UBE2R2: variants seen among roughly 807,000 people sequenced by gnomAD.
UBE2R2 encodes ubiquitin conjugating enzyme E2 R2.
Under a neutral mutation model 27.8 loss-of-function variants are expected in UBE2R2, and 1 was observed. The ratio of observed to expected loss-of-function variants is 0.04; its 90% CI spans 0.01 to 0.17. The LOEUF (loss-of-function observed/expected upper bound fraction) is 0.17, where lower values mean the gene tolerates loss of function less well. Ranked by LOEUF, UBE2R2 falls within the 10% of genes least tolerant of loss-of-function variation. The pLI is 1.00. For missense variants in UBE2R2, 100 were observed against 291.0 expected (o/e 0.34, Z 4.78); for synonymous variants, 106 against 113.3 (o/e 0.94, Z 0.41).
chr9:33,873,174 TAAAAAAAAA>T (rs540364601), intron 1 of UBE2R2, among the ~76,000 whole-genome samples: 5 of 109,182 alleles, frequency 4.6e-5, no homozygotes, highest in African/African-American at 1.7e-4. Flanking sequence ...GACTCCGTCT[TAAAAAAAAA>T]AAAAAAAAAA....
At chr9:33,910,819 A>C (rs1822466863) in intron 3 of UBE2R2, among the ~76,000 whole-genome samples, 1 of 152,136 alleles carries the variant, frequency 6.6e-6, no homozygotes, top group African/African-American at 2.4e-5. Context: ...CTGGTTATAT[A>C]GGGCCAGGTG....
chr9:33,832,761 CTTTAA>C (rs1820523538), intron 1 of UBE2R2, among the ~76,000 whole-genome samples: 1 of 151,138 alleles, frequency 6.6e-6, no homozygotes, highest in African/African-American at 2.4e-5. Flanking sequence ...AGAATCAAAA[CTTTAA>C]TTAAATTCTA....
At chr9:33,837,201 A>G (rs1820632750) in intron 1 of UBE2R2, among the ~76,000 whole-genome samples, 1 of 152,034 alleles carries the variant, frequency 6.6e-6, no homozygotes, top group Admixed American at 6.6e-5. Flanking sequence ...TCTAATTAAC[A>G]TATCTTTTTC....
intron 1 of UBE2R2, among the ~76,000 whole-genome samples, chr9:33,841,807 T>G (rs1273698074): frequency 6.6e-6 from 1 of 152,162 alleles, no homozygotes; most frequent in Non-Finnish European, 1.5e-5. Flanking sequence ...CTCGCTTGTT[T>G]TCTCGTATAT....
In UBE2R2 at chr9:33,899,935, A is replaced by G. The variant is rs370899836; in HGVS notation, c.265-239A>G. Among the ~76,000 whole-genome samples the G allele has an allele frequency of 2.6e-5, 4 of 152,228 alleles. No individual in the cohort carries two copies. In the East Asian group the frequency reaches 7.7e-4, roughly 29 times the overall value. On this transcript the variant is annotated intron_variant, in intron 2 of 4. Coordinates refer to ENST00000263228, the MANE Select transcript of UBE2R2 (RefSeq NM_017811.4). ...CATAGGGATCGTTTGTTTCATCAGGATTGTTCTATAGGAATAGTAAGTCTT... is the reference window on the plus strand; with the variant it reads ...CATAGGGATCGTTTGTTTCATCAGGGTTGTTCTATAGGAATAGTAAGTCTT...
intron 3 of UBE2R2, among the ~76,000 whole-genome samples, chr9:33,900,493 T>C (rs571799306): frequency 1.3e-5 from 2 of 152,304 alleles, no homozygotes; most frequent in African/African-American, 4.8e-5. Context: ...TATGTTCACT[T>C]AGGAATAGAT....
In UBE2R2 at chr9:33,918,007, T is replaced by C. The variant is rs1331313975; in HGVS notation, c.*770T>C. 1 of 153,740 alleles carries C rather than the reference T, an allele frequency of 6.5e-6. No homozygotes were observed. The highest frequency in any genetic ancestry group is 1.5e-5 in the Non-Finnish European group (1 of 68,048). The allele number at this position is 153,740 out of a possible 1,614,324, so 9.5% of individuals were successfully genotyped here. A position where few individuals can be genotyped will look rare whatever the true frequency, so the allele number is the denominator to read the frequency against. On this transcript the variant is annotated 3_prime_UTR_variant, in exon 5 of 5. Coordinates refer to ENST00000263228, the MANE Select transcript of UBE2R2 (RefSeq NM_017811.4). Reference sequence around the variant, plus strand: ...TCCATAGAACTGAGCACTTGGTTGCTATTTATTTTAAAGGCAGGGTTATTT... The same window carrying C: ...TCCATAGAACTGAGCACTTGGTTGCCATTTATTTTAAAGGCAGGGTTATTT...
intron 1 of UBE2R2, among the ~76,000 whole-genome samples, chr9:33,869,915 C>G (rs901681603): frequency 2.0e-5 from 3 of 152,048 alleles, no homozygotes; most frequent in Admixed American, 6.6e-5. Flanking sequence ...GGCGCGATCT[C>G]GGCTCACCGA....
At chr9:33,850,676 G>A (rs1290999895) in intron 1 of UBE2R2, among the ~76,000 whole-genome samples, 1 of 125,850 alleles carries the variant, frequency 7.9e-6, no homozygotes, top group Non-Finnish European at 1.7e-5. Flanking sequence ...TTTCAAACTT[G>A]TTTTGTTCCT....
intron 1 of UBE2R2, among the ~76,000 whole-genome samples, chr9:33,853,905 A>G (rs1319697754): frequency 2.7e-5 from 4 of 150,540 alleles, no homozygotes; most frequent in Non-Finnish European, 5.9e-5. Flanking sequence ...TGTGTTTCTC[A>G]GGCTGGTCTC....
Position 33,817,631 on chromosome 9 carries a change from T to C in UBE2R2, c.-127T>C. On this transcript the variant is annotated 5_prime_UTR_variant, in exon 1 of 5. Transcript: ENST00000263228. ...GTGGGGCCTGGTCTGGCCCGCCGGG[T>C]GTGTGAAGACCGGGGCCCGGTGCTG... 9.3e-7 allele frequency: 1 copy of C among 1,075,990 alleles called. No homozygotes were observed. Among genetic ancestry groups the C allele is most frequent in the East Asian group, 5.8e-5 (1 of 17,208 alleles). The allele number at this position is 1,075,990 out of a possible 1,614,324, so 66.7% of individuals were successfully genotyped here. A position where few individuals can be genotyped will look rare whatever the true frequency, so the allele number is the denominator to read the frequency against.
intron 2 of UBE2R2, among the ~76,000 whole-genome samples, chr9:33,892,085 T>G (rs1027889060): frequency 6.6e-6 from 1 of 152,222 alleles, no homozygotes; most frequent in Admixed American, 6.5e-5. Flanking sequence ...CTAAGGAAAT[T>G]TGATAGGAAT....
intron 1 of UBE2R2, among the ~76,000 whole-genome samples, chr9:33,834,879 C>T (rs1201249801): frequency 6.6e-6 from 1 of 150,674 alleles, no homozygotes; most frequent in Non-Finnish European, 1.5e-5. Flanking sequence ...CGTTGCACTC[C>T]AGCCTGGGCA....
At chr9:33,889,679 T>G (rs1418070378) in intron 2 of UBE2R2, among the ~76,000 whole-genome samples, 1 of 152,208 alleles carries the variant, frequency 6.6e-6, no homozygotes, top group Non-Finnish European at 1.5e-5. Context: ...TGTCTTGCAA[T>G]TGAGAGCTAA....
chr9:33,906,208 C>T (rs568626879), intron 3 of UBE2R2, among the ~76,000 whole-genome samples: 6 of 152,160 alleles, frequency 3.9e-5, no homozygotes, highest in Middle Eastern at 6.8e-3. Flanking sequence ...CTGCAAACTC[C>T]GTCTCCTGGG....
intron 1 of UBE2R2, among the ~76,000 whole-genome samples, chr9:33,845,544 A>G (rs563212208): frequency 6.6e-6 from 1 of 151,660 alleles, no homozygotes; most frequent in East Asian, 2.0e-4. Context: ...CACCGCACCC[A>G]GCTTGGCCTG....
At chr9:33,859,735 C>T (rs926196328) in intron 1 of UBE2R2, among the ~76,000 whole-genome samples, 9 of 149,656 alleles carry the variant, frequency 6.0e-5, no homozygotes, top group Non-Finnish European at 1.2e-4. Flanking sequence ...GTTTAACATA[C>T]AGTCCTTGTG....
rs537306670 is a variant in UBE2R2 at position 33,885,985 on chromosome 9, A to G, written c.178-896A>G. ...TATAAAATGGTTCATGTAGGTATAC[A>G]TTTGATGGAGTATAATGCAGATACT... is the stretch of plus-strand genomic sequence containing the variant. On this transcript the variant is annotated intron_variant, in intron 1 of 4. Transcript: ENST00000263228. Among the ~76,000 whole-genome samples, 8 of 152,358 alleles carry G rather than the reference A, an allele frequency of 5.3e-5. No homozygotes were observed. In the East Asian group the frequency reaches 1.3e-3, roughly 26 times the overall value.
At chr9:33,876,711 C>A (rs529455549) in intron 1 of UBE2R2, among the ~76,000 whole-genome samples, 1 of 152,070 alleles carries the variant, frequency 6.6e-6, no homozygotes, top group South Asian at 2.1e-4. Context: ...GTCAGGAGAT[C>A]GAGACCATCC....
Sources: allele counts gnomAD v4.1 joint callset (sites outside exome capture counted in the v4.1 genomes callset), GRCh38; gene constraint gnomAD v4.1.1; transcripts MANE v1.5; gene names NCBI Gene and HGNC (gene_info 2026-07-23, HGNC 2026-07-21).